The following PRKAR2A variants were observed in gnomAD, a reference collection of about 807,000 sequenced individuals.
The protein encoded by PRKAR2A is cAMP-dependent protein kinase type II-alpha regulatory subunit.
PRKAR2A carries 29 observed loss-of-function variants against 51.9 expected under a neutral mutation model. The observed-to-expected ratio is 0.56, with a 90% confidence interval of 0.42 to 0.76. PRKAR2A has a LOEUF of 0.76. PRKAR2A is among the 30% of genes least tolerant of loss of function. PRKAR2A has a pLI of 0.00. For missense variants in PRKAR2A, 445 were observed against 512.1 expected (o/e 0.87, Z 1.26); for synonymous variants, 178 against 186.2 (o/e 0.96, Z 0.36).
intron 1 of PRKAR2A, among the ~76,000 whole-genome samples, chr3:48,820,065 A>G (rs1187429963): frequency 2.0e-5 from 3 of 152,202 alleles, no homozygotes; most frequent in Admixed American, 2.0e-4. Context: ...CAAGCATAGA[A>G]CATTCATGGT....
rs780476895 is a variant in PRKAR2A, at chr3:48,847,468, G to A, written c.129C>T (p.Ala43=). The A allele has an allele frequency of 2.0e-4, 316 of 1,569,036 alleles. No individual in the cohort carries two copies. Among genetic ancestry groups the A allele is most frequent in the Non-Finnish European group, 2.7e-4 (310 of 1,157,412 alleles). ...AVEYFTRLRE[A]RAPASVLPAA... is the part of the protein sequence containing the mutation. ...CGGGCAGGACTGAGGCTGGGGCGCG[G>A]GCCTCGCGCAGGCGGGTGAAGTACT... is the stretch of plus-strand genomic sequence containing the variant. The change falls in exon 1 of 11, where the codon GCC becomes GCT. Residue 43 remains alanine, a synonymous_variant. Transcript: ENST00000265563. The surrounding 1 kb of genome is among the most constrained non-coding windows in gnomAD (Gnocchi z 4.4).
chr3:48,773,820 A>G (rs1218538025), intron 5 of PRKAR2A, among the ~76,000 whole-genome samples: 2 of 150,230 alleles, frequency 1.3e-5, no homozygotes, highest in African/African-American at 4.9e-5. Flanking sequence ...TTTGACATAT[A>G]TATTTTTTTG....
intron 1 of PRKAR2A, among the ~76,000 whole-genome samples, chr3:48,823,952 T>A (rs2083014087): frequency 6.6e-6 from 1 of 152,014 alleles, no homozygotes; most frequent in Non-Finnish European, 1.5e-5. Flanking sequence ...CAGGGCCGGG[T>A]ATGGTGGCTC....
At chr3:48,760,272 A>G (rs970194559) in intron 8 of PRKAR2A, among the ~76,000 whole-genome samples, 1 of 151,898 alleles carries the variant, frequency 6.6e-6, no homozygotes, top group Non-Finnish European at 1.5e-5. Flanking sequence ...CAGAAGAATC[A>G]CCTGAACTGG....
intron 8 of PRKAR2A, among the ~76,000 whole-genome samples, chr3:48,759,584 T>TAGAGA (rs2081832895): frequency 6.6e-6 from 1 of 152,038 alleles, no homozygotes; most frequent in African/African-American, 2.4e-5. Context: ...ACAGGGTTTC[T>TAGAGA]CCATGTTGGT....
intron 1 of PRKAR2A, among the ~76,000 whole-genome samples, chr3:48,842,743 C>T (rs1396602120): frequency 1.3e-5 from 2 of 152,086 alleles, no homozygotes; most frequent in Non-Finnish European, 2.9e-5. Context: ...TTGAACCAGC[C>T]TTGCATCCCA....
At chr3:48,811,942 A>C (rs1017265454) in intron 1 of PRKAR2A, among the ~76,000 whole-genome samples, 1 of 152,142 alleles carries the variant, frequency 6.6e-6, no homozygotes, top group African/African-American at 2.4e-5. Context: ...AAAGTAGATG[A>C]GCGGTAGGCT....
Position 48,763,047 on chromosome 3 carries a change from G to T in PRKAR2A, c.873+1957C>A, listed in dbSNP as rs74824922. 2.0e-3 allele frequency among the ~76,000 whole-genome samples: 312 copies of T among 152,260 alleles called. 2 individuals are homozygous for T. The highest frequency in any genetic ancestry group is 3.0e-3 in the Non-Finnish European group (203 of 68,010). On this transcript the variant is annotated intron_variant, in intron 8 of 10. Coordinates refer to ENST00000265563, the MANE Select transcript of PRKAR2A (RefSeq NM_004157.4). ...ATGGGTGATGGAAATACCACTTGGGGATGGTTACAAAACTCTTCCGATTTG... is the reference window on the plus strand; with the variant it reads ...ATGGGTGATGGAAATACCACTTGGGTATGGTTACAAAACTCTTCCGATTTG...
At chr3:48,834,034 TAAA>T (rs569678133) in intron 1 of PRKAR2A, among the ~76,000 whole-genome samples, 3 of 104,460 alleles carry the variant, frequency 2.9e-5, no homozygotes, top group Non-Finnish European at 2.0e-5. Context: ...GACTCCGTCT[TAAA>T]AAAAAAAAAA....
intron 3 of PRKAR2A, among the ~76,000 whole-genome samples, chr3:48,793,668 T>C (rs977430684): frequency 6.6e-6 from 1 of 151,930 alleles, no homozygotes; most frequent in Non-Finnish European, 1.5e-5. Context: ...AATTTTTTTT[T>C]CCCCACAGAG....
At chr3:48,764,979 G>A (rs2081917692) in intron 8 of PRKAR2A, 25 bp downstream of exon 8, 1 of 1,603,894 alleles carries the variant, frequency 6.2e-7, no homozygotes, top group Admixed American at 1.7e-5. Flanking sequence ...TTCCAGGAAA[G>A]GAGCTGCGTA....
At chr3:48,797,735 T>C (rs2082518591) in intron 2 of PRKAR2A, among the ~76,000 whole-genome samples, 1 of 152,202 alleles carries the variant, frequency 6.6e-6, no homozygotes, top group African/African-American at 2.4e-5. Context: ...TTCTAGTCTC[T>C]GAAATAGCAT....
At chr3:48,813,466 C>T (rs576457503) in intron 1 of PRKAR2A, among the ~76,000 whole-genome samples, 2 of 151,968 alleles carry the variant, frequency 1.3e-5, no homozygotes, top group South Asian at 2.1e-4. Flanking sequence ...GAGGCCGAGG[C>T]GGCGGATCAC....
At chr3:48,792,234 C>A (rs2082401373) in intron 3 of PRKAR2A, among the ~76,000 whole-genome samples, 2 of 151,514 alleles carry the variant, frequency 1.3e-5, no homozygotes, top group Non-Finnish European at 2.9e-5. Flanking sequence ...CTCCACCTCC[C>A]AGGTTCAAGT....
chr3:48,753,960 T>G (rs916485776), intron 9 of PRKAR2A, among the ~76,000 whole-genome samples: 5 of 147,008 alleles, frequency 3.4e-5, no homozygotes, highest in African/African-American at 5.0e-5. Flanking sequence ...TGCAGTGGTG[T>G]GATCTCAGCT....
chr3:48,762,995 G>C (rs963496516), intron 8 of PRKAR2A, among the ~76,000 whole-genome samples: 13 of 152,080 alleles, frequency 8.5e-5, no homozygotes, highest in African/African-American at 2.7e-4. Context: ...GGAGGGTACT[G>C]ACTGCAAATA....
chr3:48,768,294 A>AAGATAGAC lies in PRKAR2A; in HGVS notation c.697-2946_697-2945insGTCTATCT, dbSNP rs1553666172. On this transcript the variant is annotated intron_variant, in intron 6 of 10. Transcript: ENST00000265563. ...GGCCAACAGAGTGAGACCGTCTCAA[A>AAGATAGAC]AGATAGATAGATAGATAGATAGATA... Among the ~76,000 whole-genome samples the AAGATAGAC allele has an allele frequency of 4.3e-5, 6 of 140,200 alleles. No homozygotes were observed. In the East Asian group the frequency reaches 1.1e-3, roughly 25 times the overall value. 92.0% of individuals were successfully genotyped at this position (140,200 alleles called of 152,430 possible). A position where few individuals can be genotyped will look rare whatever the true frequency, so the allele number is the denominator to read the frequency against.
intron 1 of PRKAR2A, among the ~76,000 whole-genome samples, chr3:48,815,616 C>T (rs1376547262): frequency 6.6e-6 from 1 of 150,594 alleles, no homozygotes; most frequent in East Asian, 2.0e-4. Context: ...TCGCTTGAAC[C>T]TGGGAGGCGG....
chr3:48,768,133 A>G (rs2081967776), intron 6 of PRKAR2A, among the ~76,000 whole-genome samples: 1 of 151,638 alleles, frequency 6.6e-6, no homozygotes, highest in Non-Finnish European at 1.5e-5. Flanking sequence ...ATCTGTACAA[A>G]AAATACAAAA....
Sources: gnomAD v4.1 joint callset for allele counts (sites outside exome capture counted in the v4.1 genomes callset) on GRCh38, gnomAD v4.1.1 for gene constraint, Gnocchi (gnomAD v3.1) non-coding constraint, MANE v1.5 for transcripts, NCBI Gene and HGNC (gene_info 2026-07-23, HGNC 2026-07-21) for gene names.